UBE2E1: variants seen among roughly 807,000 people sequenced by gnomAD.
UBE2E1 encodes ubiquitin-conjugating enzyme E2 E1.
Under a neutral mutation model 21.4 loss-of-function variants are expected in UBE2E1, and 6 were observed. The ratio of observed to expected loss-of-function variants is 0.28; its 90% CI spans 0.15 to 0.55. The LOEUF is 0.55. Ranked by LOEUF, UBE2E1 falls within the 20% of genes least tolerant of loss-of-function variation. The pLI, the probability that UBE2E1 is intolerant of heterozygous loss-of-function variation, is 0.93. For missense variants in UBE2E1, 142 were observed against 236.5 expected (o/e 0.60, Z 2.62); for synonymous variants, 87 against 82.7 (o/e 1.05, Z -0.28).
intron 2 of UBE2E1, 179 bp downstream of exon 2, chr3:23,807,600 T>A: frequency 1.4e-6 from 1 of 710,350 alleles, no homozygotes; most frequent in Non-Finnish European, 2.1e-6. Context: ...TGTTTTTAAA[T>A]CATTGCTCAC....
chr3:23,864,463 A>T (rs944624692), intron 3 of UBE2E1, among the ~76,000 whole-genome samples: 1 of 151,752 alleles, frequency 6.6e-6, no homozygotes, highest in Non-Finnish European at 1.5e-5. Context: ...TTTCTCTCCT[A>T]TTTGCAGCCT....
chr3:23,881,863 C>T (rs544492708), intron 3 of UBE2E1, among the ~76,000 whole-genome samples: 2 of 152,026 alleles, frequency 1.3e-5, no homozygotes, highest in South Asian at 2.1e-4. Context: ...TTCGTGGTCT[C>T]GCTGGCTTCA....
Position 23,807,298 on chromosome 3 carries a change from C to A in UBE2E1, c.29C>A (p.Thr10Asn), listed in dbSNP as rs748610486. ...TCGGATGACGATTCGAGGGCCAGCA[C>A]CAGCTCCTCCTCATCTTCGTCTTCC... is the stretch of plus-strand genomic sequence containing the variant. MSDDDSRASTSSSSSSSSNQ... is the reference protein window; with the variant it reads MSDDDSRASNSSSSSSSSNQ... Residue 10 changes from threonine (T) to asparagine (N), a missense_variant, in exon 2 of 6, where the codon ACC becomes AAC. By Grantham distance (65) the Thr-to-Asn change is moderately conservative. Around this residue, in one of 2 missense-constraint regions of UBE2E1, gnomAD observed 55 missense variants for 51.5 expected, o/e 1.07. Coordinates refer to ENST00000306627, the MANE Select transcript of UBE2E1 (RefSeq NM_003341.5). 3 of 1,613,818 alleles carry A rather than the reference C, an allele frequency of 1.9e-6. No homozygotes were observed. The highest frequency in any genetic ancestry group is 2.5e-6 in the Non-Finnish European group (3 of 1,179,908).
chr3:23,866,743 C>T (rs949524749), intron 3 of UBE2E1, among the ~76,000 whole-genome samples: 1 of 152,156 alleles, frequency 6.6e-6, no homozygotes, highest in African/African-American at 2.4e-5. Flanking sequence ...TTGATTTCTG[C>T]AAATAAAGTG....
In UBE2E1 at chr3:23,889,112, G is replaced by T; in HGVS notation, c.337G>T (p.Val113Phe). ...ATTGTCTGTCACTTGTTTTTTTTAG[G>T]TTACATTTCGGACAAGAATCTATCA... ...TPEYPFKPPK[V>F]TFRTRIYHCN... The change falls in exon 5 of 6, where the codon GTT becomes TTT. Residue 113 changes from valine to phenylalanine, a missense_variant and splice_region_variant. Around this residue, in one of 2 missense-constraint regions of UBE2E1, gnomAD observed 87 missense variants for 184.9 expected, o/e 0.47. Coordinates refer to ENST00000306627, the MANE Select transcript of UBE2E1 (RefSeq NM_003341.5). The T allele has an allele frequency of 1.3e-6, 2 of 1,580,096 alleles. No homozygotes were observed. The highest frequency in any genetic ancestry group is 1.9e-5 in the Admixed American group (1 of 52,764).
At position 23,868,734 on chromosome 3, in the gene UBE2E1, A is replaced by C. The variant is rs190355898; in HGVS notation, c.204-18833A>C. Among the ~76,000 whole-genome samples the C allele has an allele frequency of 5.0e-3, 758 of 150,378 alleles. 9 individuals carry two copies. The highest frequency in any genetic ancestry group is 0.017 in the African/African-American group (711 of 40,956). ...AACACAGTGTTGTTTTTTTTTTTTA[A>C]TCTCAATAATTGGAATCTGTTTGAA... On this transcript the variant is annotated intron_variant, in intron 3 of 5. Coordinates refer to ENST00000306627, the MANE Select transcript of UBE2E1 (RefSeq NM_003341.5).
At chr3:23,837,415 C>T in intron 3 of UBE2E1, among the ~76,000 whole-genome samples, 1 of 152,192 alleles carries the variant, frequency 6.6e-6, no homozygotes, top group East Asian at 1.9e-4. Context: ...CTGTAAGTAT[C>T]CCCAGGATAC....
intron 3 of UBE2E1, among the ~76,000 whole-genome samples, chr3:23,886,130 G>T (rs991363738): frequency 1.5e-4 from 23 of 152,096 alleles, no homozygotes; most frequent in African/African-American, 5.3e-4. Context: ...GAGCCTAGAA[G>T]TCAAGGCTAC....
intron 3 of UBE2E1, among the ~76,000 whole-genome samples, chr3:23,885,125 G>A (rs1220048463): frequency 1.3e-5 from 2 of 152,168 alleles, no homozygotes; most frequent in Admixed American, 6.5e-5. Flanking sequence ...GTGAGGATGC[G>A]TTTCTTGGTT....
chr3:23,841,838 T>G (rs1458560763), intron 3 of UBE2E1, among the ~76,000 whole-genome samples: 1 of 152,192 alleles, frequency 6.6e-6, no homozygotes, highest in African/African-American at 2.4e-5. Flanking sequence ...GTCACAGTTT[T>G]TATATGACTC....
chr3:23,879,227 T>G (rs1700982620), intron 3 of UBE2E1: 2 of 861,768 alleles, frequency 2.3e-6, no homozygotes, highest in Admixed American at 1.9e-5. Context: ...CATCTGTGCA[T>G]CTGGCATATG....
intron 3 of UBE2E1, chr3:23,866,208 C>T (rs542654112): frequency 2.0e-5 from 3 of 152,694 alleles, no homozygotes; most frequent in East Asian, 1.9e-4. Flanking sequence ...AATAGCTCTC[C>T]TCACCTCCTG....
At chr3:23,854,703 A>T (rs1045697480) in intron 3 of UBE2E1, among the ~76,000 whole-genome samples, 1 of 152,266 alleles carries the variant, frequency 6.6e-6, no homozygotes, top group Non-Finnish European at 1.5e-5. Context: ...TAAAAGGACA[A>T]TAACTTTTGT....
In UBE2E1 at chr3:23,870,998, G is replaced by A. The variant is rs889005002; in HGVS notation, c.204-16569G>A. On this transcript the variant is annotated intron_variant, in intron 3 of 5. Transcript: ENST00000306627. This position sits in a 1 kb window ranked among gnomAD's most constrained non-coding sequence, Gnocchi z 4.2. ...TCAGAGGGCACAGGGTTGGGGGTAA[G>A]GTCACAGATCAACAGGATCCCAAGG... Among the ~76,000 whole-genome samples the A allele has an allele frequency of 9.8e-5, 15 of 152,312 alleles. No homozygotes were observed. Among genetic ancestry groups the A allele is most frequent in the African/African-American group, 3.6e-4 (15 of 41,554 alleles).
At chr3:23,817,180 C>T (rs763295080) in intron 3 of UBE2E1, among the ~76,000 whole-genome samples, 5 of 152,130 alleles carry the variant, frequency 3.3e-5, no homozygotes, top group African/African-American at 7.2e-5. Flanking sequence ...TGGTGGCTCA[C>T]GCCTGTAATC....
Position 23,848,446 on chromosome 3 carries a change from C to A in UBE2E1, c.203+36936C>A, listed in dbSNP as rs554077351. ...GATCGTGCCCCTGCACTCCAGCCTG[C>A]GTAGCAGAGTGAGACTCTGTCTCAA... On this transcript the variant is annotated intron_variant, in intron 3 of 5. Coordinates refer to ENST00000306627, the MANE Select transcript of UBE2E1 (RefSeq NM_003341.5). 4.0e-5 allele frequency among the ~76,000 whole-genome samples: 6 copies of A among 149,632 alleles called. No homozygotes were observed. The South Asian group carries it at 1.1e-3, about 26-fold the overall frequency.
intron 3 of UBE2E1, among the ~76,000 whole-genome samples, chr3:23,818,637 A>T (rs1238528076): frequency 6.6e-6 from 1 of 152,156 alleles, no homozygotes; most frequent in African/African-American, 2.4e-5. Context: ...GAGCATTTTG[A>T]TGCTTCCGTG....
chr3:23,864,420 T>G (rs1700612322), intron 3 of UBE2E1, among the ~76,000 whole-genome samples: 1 of 152,234 alleles, frequency 6.6e-6, no homozygotes, highest in Non-Finnish European at 1.5e-5. Context: ...TTCAAATCTT[T>G]GTCCTTCCTA....
intron 3 of UBE2E1, among the ~76,000 whole-genome samples, chr3:23,852,356 G>A (rs1378983332): frequency 6.6e-6 from 1 of 151,882 alleles, no homozygotes; most frequent in East Asian, 1.9e-4. Flanking sequence ...TTATTCTTAT[G>A]TATTTTACTC....
Sources: gnomAD v4.1 joint callset for allele counts (sites outside exome capture counted in the v4.1 genomes callset) on GRCh38, gnomAD v4.1.1 for gene constraint, gnomAD v4.1.1 regional missense constraint, Gnocchi (gnomAD v3.1) non-coding constraint, MANE v1.5 for transcripts, NCBI Gene and HGNC (gene_info 2026-07-23, HGNC 2026-07-21) for gene names.